CFAP300: variants seen among roughly 807,000 people sequenced by gnomAD.
CFAP300 encodes the protein cilia and flagella associated protein 300.
Under a neutral mutation model 33.0 loss-of-function variants are expected in CFAP300, and 32 were observed. That is an observed-to-expected ratio of 0.97 (90% confidence interval 0.73 to 1.30). The LOEUF is 1.30. Among genes scored for constraint, CFAP300 ranks in the 50% most tolerant of loss-of-function variants. CFAP300 has a pLI of 0.00. For missense variants in CFAP300, 356 were observed against 318.1 expected (o/e 1.12, Z -0.90); for synonymous variants, 102 against 106.8 (o/e 0.95, Z 0.28).
intron 2 of CFAP300, among the ~76,000 whole-genome samples, chr11:102,050,947 A>G (rs1231390348): frequency 6.6e-6 from 1 of 152,240 alleles, no homozygotes; most frequent in Non-Finnish European, 1.5e-5. Context: ...GGACTGAGTC[A>G]GGAAGTAATG....
At chr11:102,060,802 G>A (rs143664848) in intron 3 of CFAP300, among the ~76,000 whole-genome samples, 106 of 152,246 alleles carry the variant, frequency 7.0e-4, no homozygotes, top group African/African-American at 2.5e-3. Context: ...ATTACAAACA[G>A]TTCATGATGT....
intron 4 of CFAP300, among the ~76,000 whole-genome samples, chr11:102,074,268 G>T (rs563114378): frequency 1.8e-3 from 281 of 152,292 alleles, no homozygotes; most frequent in African/African-American, 6.6e-3. Flanking sequence ...CAGTGCCATT[G>T]TGTGGTCTCC....
At chr11:102,059,355 A>G (rs1942108868) in intron 3 of CFAP300, among the ~76,000 whole-genome samples, 1 of 151,454 alleles carries the variant, frequency 6.6e-6, no homozygotes, top group Non-Finnish European at 1.5e-5. Context: ...CTACCATAGA[A>G]GTGTAGCCAA....
intron 2 of CFAP300, among the ~76,000 whole-genome samples, chr11:102,052,768 C>T (rs1429647261): frequency 6.6e-6 from 1 of 152,204 alleles, no homozygotes; most frequent in African/African-American, 2.4e-5. Context: ...TACCTCCCCA[C>T]TTGGTATCTC....
At chr11:102,066,825 A>G (rs1404350396) in intron 4 of CFAP300, among the ~76,000 whole-genome samples, 174 bp downstream of exon 4, 4 of 152,248 alleles carry the variant, frequency 2.6e-5, no homozygotes, top group African/African-American at 7.2e-5. Context: ...ATGGCACTTT[A>G]ACCATCAACT....
At chr11:102,055,836 A>C (rs947764434) in intron 2 of CFAP300, among the ~76,000 whole-genome samples, 1 of 151,566 alleles carries the variant, frequency 6.6e-6, no homozygotes, top group Non-Finnish European at 1.5e-5. Context: ...CCACGCCCAG[A>C]TAATTTTTTG....
At chr11:102,053,529 C>G (rs1037973967) in intron 2 of CFAP300, among the ~76,000 whole-genome samples, 7 of 151,092 alleles carry the variant, frequency 4.6e-5, no homozygotes, top group Non-Finnish European at 1.0e-4. Context: ...CCAGCCTGGG[C>G]AACAAGAGCA....
At chr11:102,047,643 C>A (rs1429015815) in intron 1 of CFAP300, 63 bp downstream of exon 1, 1 of 1,503,466 alleles carries the variant, frequency 6.7e-7, no homozygotes. Context: ...GAGGCGCAGG[C>A]CGGGCGTCGA....
At chr11:102,059,321 GTA>G (rs1555069080) in intron 3 of CFAP300, among the ~76,000 whole-genome samples, 4 of 130,904 alleles carry the variant, frequency 3.1e-5, no homozygotes, top group Non-Finnish European at 4.9e-5. Context: ...GTGTGTGTGT[GTA>G]TGTACTAATA....
chr11:102,075,433 A>G (rs891740188), intron 4 of CFAP300, among the ~76,000 whole-genome samples: 1 of 152,208 alleles, frequency 6.6e-6, no homozygotes, highest in Admixed American at 6.5e-5. Flanking sequence ...AGTAAGAACA[A>G]TCGTGATCCA....
At chr11:102,082,721 G>A (rs1022662671) in intron 6 of CFAP300, among the ~76,000 whole-genome samples, 7 of 152,078 alleles carry the variant, frequency 4.6e-5, no homozygotes, top group East Asian at 1.9e-4. Context: ...AGGATTGGCC[G>A]GGTGCTGTGT....
At chr11:102,060,730 T>G (rs1459101210) in intron 3 of CFAP300, among the ~76,000 whole-genome samples, 1 of 152,214 alleles carries the variant, frequency 6.6e-6, no homozygotes, top group Non-Finnish European at 1.5e-5. Context: ...AGATTTTTTT[T>G]GTTTAGGGGT....
chr11:102,057,711 A>C (rs560872980), intron 2 of CFAP300: 1 of 152,352 alleles, frequency 6.6e-6, no homozygotes, highest in African/African-American at 2.4e-5. Flanking sequence ...CATCAGTGCA[A>C]GACTGGAATT....
chr11:102,080,859 C>G (rs1212527704), intron 5 of CFAP300, among the ~76,000 whole-genome samples: 1 of 152,192 alleles, frequency 6.6e-6, no homozygotes, highest in Admixed American at 6.5e-5. Flanking sequence ...AGTCTTCAGT[C>G]TATCATGCTT....
chr11:102,066,753 A>T (rs1170752601), intron 4 of CFAP300, 102 bp downstream of exon 4: 3 of 915,544 alleles, frequency 3.3e-6, no homozygotes, highest in Non-Finnish European at 4.9e-6. Context: ...CTTGTCATAA[A>T]ATACCACCTA....
intron 4 of CFAP300, among the ~76,000 whole-genome samples, chr11:102,075,201 A>AT (rs1381318172): frequency 1.3e-5 from 2 of 152,236 alleles, no homozygotes; most frequent in African/African-American, 4.8e-5. Flanking sequence ...ACCCACTACA[A>AT]TCGATAAATG....
chr11:102,074,631 C>G (rs1339668932), intron 4 of CFAP300, among the ~76,000 whole-genome samples: 1 of 151,436 alleles, frequency 6.6e-6, no homozygotes, highest in Non-Finnish European at 1.5e-5. Context: ...ATTTTTTTTT[C>G]CACTTTATTT....
At chr11:102,050,121 C>A (rs1451010723) in intron 2 of CFAP300, among the ~76,000 whole-genome samples, 1 of 151,888 alleles carries the variant, frequency 6.6e-6, no homozygotes, top group Non-Finnish European at 1.5e-5. Flanking sequence ...CAAAGTAAGA[C>A]CCTGTCTCAA....
At chr11:102,067,284 G>A (rs1942243558) in intron 4 of CFAP300, among the ~76,000 whole-genome samples, 1 of 152,206 alleles carries the variant, frequency 6.6e-6, no homozygotes, top group Non-Finnish European at 1.5e-5. Context: ...ATTGAGTCTG[G>A]GAAGTCAAGG....
Sources: allele counts gnomAD v4.1 joint callset (sites outside exome capture counted in the v4.1 genomes callset), GRCh38; gene constraint gnomAD v4.1.1; transcripts MANE v1.5; gene names NCBI Gene and HGNC (gene_info 2026-07-23, HGNC 2026-07-21).